The following ZC3HAV1 variants were observed in gnomAD, a reference collection of about 807,000 sequenced individuals.
ZC3HAV1 encodes the protein zinc finger CCCH-type antiviral protein 1.
In ZC3HAV1, 41 loss-of-function variants were observed where a neutral mutation model predicts 86.6. The ratio of observed to expected loss-of-function variants is 0.47; its 90% CI spans 0.37 to 0.61. ZC3HAV1 has a LOEUF of 0.61. Ranked by LOEUF, ZC3HAV1 falls within the 20% of genes least tolerant of loss-of-function variation. The pLI, the probability that ZC3HAV1 is intolerant of heterozygous loss-of-function variation, is 0.00. For missense variants in ZC3HAV1, 964 were observed against 1,141.1 expected, an observed-to-expected ratio of 0.84 and a Z score of 2.24; for synonymous variants, 421 against 432.1, an observed-to-expected ratio of 0.97 and a Z score of 0.32.
intron 8 of ZC3HAV1, among the ~76,000 whole-genome samples, chr7:139,063,027 C>CAAAAAAAAAAAAAAAAAAAAA (rs58859916): frequency 5.9e-5 from 4 of 68,102 alleles, no homozygotes; most frequent in Non-Finnish European, 8.5e-5. Flanking sequence ...GACTCTGTCT[C>CAAAAAAAAAAAAAAAAAAAAA]AAAAAAAAAA....
intron 1 of ZC3HAV1, among the ~76,000 whole-genome samples, chr7:139,107,013 A>G (rs1029813038): frequency 6.6e-6 from 1 of 152,140 alleles, no homozygotes; most frequent in Admixed American, 6.6e-5. Flanking sequence ...TAAGAAATAA[A>G]AAAATAAAAA....
chr7:139,064,773 C>A (rs777863005), intron 8 of ZC3HAV1, 106 bp downstream of exon 8: 1 of 1,564,790 alleles, frequency 6.4e-7, no homozygotes, highest in East Asian at 2.3e-5. Context: ...TAAATCTTGA[C>A]CTTGACCCTG....
At chr7:139,052,783 G>A (rs1031609494) in intron 12 of ZC3HAV1, among the ~76,000 whole-genome samples, 1 of 150,852 alleles carries the variant, frequency 6.6e-6, no homozygotes, top group Non-Finnish European at 1.5e-5. Flanking sequence ...AAAAAAATTA[G>A]CTGGATGTGG....
At chr7:139,078,366 T>C (rs1486426230) in intron 5 of ZC3HAV1, among the ~76,000 whole-genome samples, 186 bp downstream of exon 5, 1 of 151,968 alleles carries the variant, frequency 6.6e-6, no homozygotes, top group African/African-American at 2.4e-5. Context: ...CTATGAATAA[T>C]AGTTCCTCAA....
chr7:139,093,954 T>C (rs1232707031), intron 1 of ZC3HAV1, among the ~76,000 whole-genome samples: 3 of 152,178 alleles, frequency 2.0e-5, no homozygotes, highest in African/African-American at 7.2e-5. Flanking sequence ...AGGTGCCTAA[T>C]ATTGGCTAGT....
chr7:139,046,738 T>A lies in ZC3HAV1; in HGVS notation c.*856A>T, dbSNP rs1815964764. Reference sequence around the variant, plus strand: ...GTCTGCAATAGCACTTCAATTTTACTTTTTTTTCCCCTAGCATGTCCTTAA... The same window carrying A: ...GTCTGCAATAGCACTTCAATTTTACATTTTTTTCCCCTAGCATGTCCTTAA... On this transcript the variant is annotated 3_prime_UTR_variant, in exon 13 of 13. Coordinates refer to ENST00000242351, the MANE Select transcript of ZC3HAV1 (RefSeq NM_020119.4). 1 of 141,918 alleles carries A rather than the reference T, an allele frequency of 7.0e-6. No individual in the cohort carries two copies. Among genetic ancestry groups the A allele is most frequent in the Non-Finnish European group, 1.5e-5 (1 of 67,978 alleles). 8.8% of individuals were successfully genotyped at this position (141,918 alleles called of 1,614,324 possible).
In ZC3HAV1 at chr7:139,047,700, A is replaced by G. The variant is rs200253491; in HGVS notation, c.2603T>C (p.Val868Ala). ...AACGGAGGGATTCGATCTGGTATCC[A>G]CACAGCTGTCGAACTGTGGAGGAGG... is the stretch of plus-strand genomic sequence containing the variant. ...TSPPPQFDSCVDTRSNPSVFV... is the reference protein window; with the variant it reads ...TSPPPQFDSCADTRSNPSVFV... Residue 868 changes from valine (V) to alanine (A), a missense_variant, in exon 13 of 13, where the codon GTG (valine) becomes GCG (alanine). Physicochemically the swap from Val to Ala is moderately conservative, Grantham distance 64. Coordinates refer to ENST00000242351, the MANE Select transcript of ZC3HAV1 (RefSeq NM_020119.4). 3 of 1,614,020 alleles carry G rather than the reference A, an allele frequency of 1.9e-6. No homozygotes were observed. The highest frequency in any genetic ancestry group is 8.5e-7 in the Non-Finnish European group (1 of 1,180,040).
intron 9 of ZC3HAV1, among the ~76,000 whole-genome samples, chr7:139,058,876 T>A (rs1469978879): frequency 1.3e-5 from 2 of 152,204 alleles, no homozygotes; most frequent in South Asian, 2.1e-4. Flanking sequence ...GAAAGAACCA[T>A]CCAGCTTGGC....
intron 1 of ZC3HAV1, among the ~76,000 whole-genome samples, chr7:139,100,974 C>T (rs998886686): frequency 1.3e-5 from 2 of 152,242 alleles, no homozygotes; most frequent in African/African-American, 4.8e-5. Flanking sequence ...TGCCGAGTGC[C>T]TGCGATTGCA....
Position 139,079,993 on chromosome 7 carries a change from A to T in ZC3HAV1, c.948T>A (p.Thr316=). Residue 316 remains threonine, a synonymous_variant, in exon 4 of 13, where the codon ACT becomes ACA. Transcript: ENST00000242351. ...CGGCCTGACTTGTTCCTCCAAGATC[A>T]GTAGCCTTGGACGAGCCTGAGGGAG... ...ARPPSGSSKA[T]DLGGTSQAGT... The T allele has an allele frequency of 6.2e-7, 1 of 1,614,200 alleles. No individual in the cohort carries two copies. Among genetic ancestry groups the T allele is most frequent in the Non-Finnish European group, 8.5e-7 (1 of 1,180,038 alleles).
intron 1 of ZC3HAV1, among the ~76,000 whole-genome samples, chr7:139,102,291 G>T (rs541160161): frequency 7.2e-5 from 11 of 152,158 alleles, no homozygotes; most frequent in Non-Finnish European, 1.5e-4. Flanking sequence ...GTGCCACTGT[G>T]TCCAACTAAT....
chr7:139,097,414 A>AT lies in ZC3HAV1; in HGVS notation c.309-7656dup, dbSNP rs1214039926. Among the ~76,000 whole-genome samples, 307 of 75,570 alleles carry AT rather than the reference A, an allele frequency of 4.1e-3. 6 individuals are homozygous for AT. The highest frequency in any genetic ancestry group is 5.4e-3 in the Non-Finnish European group (234 of 43,546). The allele number at this position is 75,570 out of a possible 152,430, so 49.6% of individuals were successfully genotyped here. On this transcript the variant is annotated intron_variant, in intron 1 of 12. Coordinates refer to ENST00000242351, the MANE Select transcript of ZC3HAV1 (RefSeq NM_020119.4). ...ATATTGGAACTCCATATATATATAT[A>AT]TATATATATATATATTTTTTTTTTT...
intron 7 of ZC3HAV1, among the ~76,000 whole-genome samples, chr7:139,073,579 C>T (rs1457727960): frequency 1.3e-5 from 2 of 152,126 alleles, no homozygotes; most frequent in Non-Finnish European, 2.9e-5. Context: ...CAACCTCCAC[C>T]TCCCGGGTTC....
rs10280538 is a variant in ZC3HAV1 at position 139,061,349 on chromosome 7, T to A, written c.1994-211A>T. ...TAGTAGAAGGCTCAAAGCAAAGGAG[T>A]GAATGAATATTCAGGAATTAATCTC... On this transcript the variant is annotated intron_variant, in intron 8 of 12. Coordinates refer to ENST00000242351, the MANE Select transcript of ZC3HAV1 (RefSeq NM_020119.4). Among the ~76,000 whole-genome samples the A allele has an allele frequency of 9.7e-3, 1,481 of 152,246 alleles. 25 individuals carry two copies. Among genetic ancestry groups the A allele is most frequent in the African/African-American group, 0.034 (1,423 of 41,516 alleles).
At chr7:139,090,164 A>T (rs1007525001) in intron 1 of ZC3HAV1, among the ~76,000 whole-genome samples, 1 of 152,094 alleles carries the variant, frequency 6.6e-6, no homozygotes, top group Non-Finnish European at 1.5e-5. Context: ...CAGGTGATCC[A>T]TCCGCCTCAG....
intron 2 of ZC3HAV1, among the ~76,000 whole-genome samples, chr7:139,088,705 G>A (rs1374068958): frequency 6.6e-6 from 1 of 152,184 alleles, no homozygotes; most frequent in Admixed American, 6.5e-5. Context: ...AAATATTTTA[G>A]GCTTTGTAGG....
rs1817996834 is a variant in ZC3HAV1 at position 139,108,348 on chromosome 7, GAGAGTTGT to G, written c.308+668_308+675del. The stretch of plus-strand genomic sequence containing the variant: ...GCCACACTGCTTCAAAGGGATTTAA[GAGAGTTGT>G]CCCAAGGCAGGCGGTCAACTGCGCG... On this transcript the variant is annotated intron_variant, in intron 1 of 12. Transcript: ENST00000242351. This position sits in a 1 kb window ranked among gnomAD's most constrained non-coding sequence, Gnocchi z 4.2. Among the ~76,000 whole-genome samples the G allele has an allele frequency of 1.3e-5, 2 of 152,008 alleles. No individual in the cohort carries two copies. The highest frequency in any genetic ancestry group is 6.6e-5 in the Admixed American group (1 of 15,266).
intron 7 of ZC3HAV1, 76 bp downstream of exon 7, chr7:139,073,780 C>A: frequency 6.9e-7 from 1 of 1,440,442 alleles, no homozygotes. Flanking sequence ...CATGAGCCAC[C>A]GTGCCCAGCC....
intron 2 of ZC3HAV1, among the ~76,000 whole-genome samples, chr7:139,089,230 G>A (rs1051841603): frequency 6.6e-6 from 1 of 150,924 alleles, no homozygotes; most frequent in African/African-American, 2.4e-5. Flanking sequence ...TTGAATCACT[G>A]TATTTTGAGG....
Sources: gnomAD v4.1 joint callset for allele counts (sites outside exome capture counted in the v4.1 genomes callset) on GRCh38, gnomAD v4.1.1 for gene constraint, Gnocchi (gnomAD v3.1) non-coding constraint, MANE v1.5 for transcripts, NCBI Gene and HGNC (gene_info 2026-07-23, HGNC 2026-07-21) for gene names.